Variants in ELAPOR2 observed in about 807,000 individuals in gnomAD.
ELAPOR2 encodes endosome-lysosome associated apoptosis and autophagy regulator family member 2.
A neutral mutation model predicts 120.7 loss-of-function variants in ELAPOR2; 89 were observed. The ratio of observed to expected loss-of-function variants is 0.74; its 90% CI spans 0.62 to 0.88. The LOEUF is 0.88. Ranked by LOEUF, ELAPOR2 falls within the 40% of genes least tolerant of loss-of-function variation. ELAPOR2 has a pLI of 0.00. For missense variants in ELAPOR2, 1,134 were observed against 1,251.6 expected, an observed-to-expected ratio of 0.91 and a Z score of 1.42; for synonymous variants, 444 against 444.9, an observed-to-expected ratio of 1.00 and a Z score of 0.03.
rs373985978 is a variant in ELAPOR2 at position 86,938,969 on chromosome 7, T to A, written c.848-9A>T. 6.2e-7 allele frequency: 1 copy of A among 1,612,222 alleles called. No individual in the cohort carries two copies. The highest frequency in any genetic ancestry group is 1.3e-5 in the African/African-American group (1 of 74,770). ...TGATGTGTACGCCACCCCTGTGCAG[T>A]AATGAAAAACAGAGCATGGGAGGGG... is the stretch of plus-strand genomic sequence containing the variant. On this transcript the variant is annotated splice_polypyrimidine_tract_variant and intron_variant, in intron 6 of 21. Coordinates refer to ENST00000450689, the MANE Select transcript of ELAPOR2 (RefSeq NM_001142749.3).
intron 1 of ELAPOR2, among the ~76,000 whole-genome samples, chr7:86,988,342 A>G (rs567158344): frequency 6.6e-6 from 1 of 151,804 alleles, no homozygotes; most frequent in African/African-American, 2.4e-5. Context: ...CTTAAAGTAT[A>G]AAAAATATTC....
At chr7:87,017,902 CAG>C (rs1793921144) in intron 1 of ELAPOR2, among the ~76,000 whole-genome samples, 1 of 152,058 alleles carries the variant, frequency 6.6e-6, no homozygotes. Flanking sequence ...GCCTGGGTGA[CAG>C]AGTGAGACTG....
chr7:86,931,783 T>A (rs1008543538), intron 8 of ELAPOR2, among the ~76,000 whole-genome samples: 1 of 151,984 alleles, frequency 6.6e-6, no homozygotes, highest in Admixed American at 6.6e-5. Context: ...ATAATCACTA[T>A]GTAAGTATCA....
At chr7:86,992,338 G>A (rs1792970077) in intron 1 of ELAPOR2, among the ~76,000 whole-genome samples, 2 of 152,214 alleles carry the variant, frequency 1.3e-5, no homozygotes, top group African/African-American at 2.4e-5. Flanking sequence ...GGCTGAGGCA[G>A]GAGGATTACT....
At chr7:87,012,244 T>C (rs1793712330) in intron 1 of ELAPOR2, among the ~76,000 whole-genome samples, 1 of 152,114 alleles carries the variant, frequency 6.6e-6, no homozygotes, top group Non-Finnish European at 1.5e-5. Flanking sequence ...ACCCTGTCTC[T>C]ACTAAAAATA....
At chr7:86,992,394 G>A (rs1005253991) in intron 1 of ELAPOR2, among the ~76,000 whole-genome samples, 2 of 152,100 alleles carry the variant, frequency 1.3e-5, no homozygotes, top group African/African-American at 4.8e-5. Context: ...TCGTGCCACT[G>A]CACTCCAGCA....
intron 18 of ELAPOR2, among the ~76,000 whole-genome samples, chr7:86,900,550 G>A (rs563260858): frequency 2.0e-5 from 3 of 152,032 alleles, no homozygotes; most frequent in Admixed American, 6.6e-5. Flanking sequence ...AAAAAATCAC[G>A]ACACTGATTT....
rs1196101602 is a variant in ELAPOR2 at position 87,028,889 on chromosome 7, C to T, written c.189+30436G>A. Among the ~76,000 whole-genome samples, 8 of 152,306 alleles carry T rather than the reference C, an allele frequency of 5.3e-5. No individual in the cohort carries two copies. The East Asian group carries it at 1.4e-3, about 26-fold the overall frequency. On this transcript the variant is annotated intron_variant, in intron 1 of 21. Transcript: ENST00000450689. Reference sequence around the variant, plus strand: ...CGTCCCTCTCACTCTGCTCAAGCCACAGGGGGTCACTCTCCTCTGAACACT... The same window carrying T: ...CGTCCCTCTCACTCTGCTCAAGCCATAGGGGGTCACTCTCCTCTGAACACT...
At chr7:86,953,422 C>A (rs1403276505) in intron 2 of ELAPOR2, among the ~76,000 whole-genome samples, 1 of 152,194 alleles carries the variant, frequency 6.6e-6, no homozygotes, top group East Asian at 1.9e-4. Flanking sequence ...CTGCTGACTT[C>A]CTTTGATGGC....
intron 1 of ELAPOR2, among the ~76,000 whole-genome samples, chr7:87,040,034 C>A (rs1794720015): frequency 6.6e-6 from 1 of 152,222 alleles, no homozygotes; most frequent in African/African-American, 2.4e-5. Flanking sequence ...AATCGGGTCA[C>A]TCCCACTCGA....
chr7:86,885,142 C>A (rs1272068684), intron 21 of ELAPOR2, among the ~76,000 whole-genome samples: 1 of 152,092 alleles, frequency 6.6e-6, no homozygotes, highest in Non-Finnish European at 1.5e-5. Context: ...ATGTTAAAAC[C>A]AGGAATTACA....
chr7:86,939,082 C>A lies in ELAPOR2; in HGVS notation c.848-122G>T, dbSNP rs1357881026. On this transcript the variant is annotated intron_variant, in intron 6 of 21. Coordinates refer to ENST00000450689, the MANE Select transcript of ELAPOR2 (RefSeq NM_001142749.3). ...TATGAACAGTAAGGTCAGCCCAAAT[C>A]TTTTATCTTATTCATCCAGCACTAA... The A allele has an allele frequency of 4.0e-5, 40 of 997,990 alleles. No homozygotes were observed. The East Asian group carries it at 1.0e-3, about 25-fold the overall frequency. The allele number at this position is 997,990 out of a possible 1,614,324, so 61.8% of individuals were successfully genotyped here.
chr7:86,888,547 A>G (rs1562897647), intron 21 of ELAPOR2, among the ~76,000 whole-genome samples: 1 of 152,144 alleles, frequency 6.6e-6, no homozygotes, highest in East Asian at 1.9e-4. Flanking sequence ...TGCTCTCATC[A>G]CAATTCATTT....
chr7:86,994,550 T>G (rs1793060728), intron 1 of ELAPOR2, among the ~76,000 whole-genome samples: 1 of 152,182 alleles, frequency 6.6e-6, no homozygotes, highest in African/African-American at 2.4e-5. Flanking sequence ...TCTAAAATAT[T>G]ATGAAGTTTT....
At chr7:86,938,580 G>A (rs1015014776) in intron 7 of ELAPOR2, among the ~76,000 whole-genome samples, 1 of 152,016 alleles carries the variant, frequency 6.6e-6, no homozygotes, top group African/African-American at 2.4e-5. Flanking sequence ...ATCCATAGCA[G>A]CTACCTGTGG....
intron 2 of ELAPOR2, among the ~76,000 whole-genome samples, chr7:86,958,830 G>A (rs547381369): frequency 1.3e-5 from 2 of 152,234 alleles, no homozygotes; most frequent in Non-Finnish European, 2.9e-5. Context: ...ATCTTTTGTG[G>A]TTCCATATGA....
At chr7:86,933,405 G>A (rs778735390) in intron 8 of ELAPOR2, among the ~76,000 whole-genome samples, 17 of 151,886 alleles carry the variant, frequency 1.1e-4, no homozygotes, top group Non-Finnish European at 2.4e-4. Context: ...TAAGAAACAG[G>A]ATGCCTGTGA....
chr7:87,032,646 C>A lies in ELAPOR2; in HGVS notation c.189+26679G>T, dbSNP rs149666761. 1.8e-3 allele frequency among the ~76,000 whole-genome samples: 271 copies of A among 152,272 alleles called. 2 individuals carry two copies. The highest frequency in any genetic ancestry group is 5.8e-3 in the African/African-American group (243 of 41,554). ...AACAGAGGCAGAAAATGCCCTAGGT[C>A]CAGTACCTATCATGTGCTTCTTCAC... On this transcript the variant is annotated intron_variant, in intron 1 of 21. Coordinates refer to ENST00000450689, the MANE Select transcript of ELAPOR2 (RefSeq NM_001142749.3).
At chr7:86,904,953 C>T (rs1788901410) in intron 18 of ELAPOR2, among the ~76,000 whole-genome samples, 1 of 151,986 alleles carries the variant, frequency 6.6e-6, no homozygotes, top group African/African-American at 2.4e-5. Flanking sequence ...GCTTATGAAG[C>T]TTCTCAAGGC....
Sources: gnomAD v4.1 joint callset for allele counts (sites outside exome capture counted in the v4.1 genomes callset) on GRCh38, gnomAD v4.1.1 for gene constraint, MANE v1.5 for transcripts, NCBI Gene and HGNC (gene_info 2026-07-23, HGNC 2026-07-21) for gene names.